The following OCA2 variants were observed in gnomAD, a reference collection of about 807,000 sequenced individuals.
OCA2 encodes the protein OCA2 melanosomal transmembrane protein.
OCA2 carries 77 observed loss-of-function variants against 100.2 expected under a neutral mutation model. The observed-to-expected ratio is 0.77, with a 90% confidence interval of 0.64 to 0.93. OCA2 has a LOEUF of 0.93. OCA2 is among the 40% of genes least tolerant of loss of function. The pLI is 0.00. For missense variants in OCA2, 1,062 were observed against 1,089.1 expected (o/e 0.98, Z 0.35); for synonymous variants, 432 against 439.2 (o/e 0.98, Z 0.21).
At chr15:28,003,783 A>T (rs1037797396) in intron 9 of OCA2, among the ~76,000 whole-genome samples, 1 of 152,126 alleles carries the variant, frequency 6.6e-6, no homozygotes, top group South Asian at 2.1e-4. Context: ...TCCCACCCCT[A>T]GCCCAGCCTG....
the OCA2 span, among the ~76,000 whole-genome samples, chr15:27,720,495 A>G: frequency 6.6e-6 from 1 of 150,724 alleles, no homozygotes; most frequent in African/African-American, 2.4e-5. Flanking sequence ...GTATAGATTC[A>G]TCTATGAAGA....
chr15:28,032,258 T>G, intron 2 of OCA2, 95 bp from the exon 3 acceptor site: 2 of 972,450 alleles, frequency 2.1e-6, no homozygotes, highest in Non-Finnish European at 3.3e-6. Context: ...GTGCCCAAGA[T>G]TCAGTGATAA....
At position 27,959,015 on chromosome 15, in the gene OCA2, T is replaced by C. The variant is rs534255805; in HGVS notation, c.1637-1280A>G. Among the ~76,000 whole-genome samples the C allele has an allele frequency of 5.3e-5, 8 of 152,264 alleles. No individual in the cohort carries two copies. In the East Asian group the frequency reaches 1.4e-3, roughly 26 times the overall value. ...CAGTACGTGAGTGCTCATCACCCAC[T>C]GCGTGGCAGACCTACTGCAACAACA... is the stretch of plus-strand genomic sequence containing the variant. On this transcript the variant is annotated intron_variant, in intron 15 of 23. Transcript: ENST00000354638.
Position 28,014,776 on chromosome 15 carries a change from C to T in OCA2, c.1044G>A (p.Glu348=). The T allele has an allele frequency of 6.2e-7, 1 of 1,612,656 alleles. No homozygotes were observed. The highest frequency in any genetic ancestry group is 8.5e-7 in the Non-Finnish European group (1 of 1,179,940). ...TCGGGGGAGCAGGTGTGAAAGTTACCTCAAATATGATCAGCGCGTAGACGC... is the reference window on the plus strand; with the variant it reads ...TCGGGGGAGCAGGTGTGAAAGTTACTTCAAATATGATCAGCGCGTAGACGC... ...LAGVYALIIF[E]IVHRTLAAML... Residue 348 remains glutamate, a splice_region_variant and synonymous_variant, in exon 9 of 24, where the codon GAG becomes GAA. Coordinates refer to ENST00000354638, the MANE Select transcript of OCA2 (RefSeq NM_000275.3).
In OCA2 at chr15:27,983,329, G is replaced by A; in HGVS notation, c.1503+16C>T. 6.2e-7 allele frequency: 1 copy of A among 1,613,996 alleles called. No homozygotes were observed. Among genetic ancestry groups the A allele is most frequent in the Non-Finnish European group, 8.5e-7 (1 of 1,179,962 alleles). On this transcript the variant is annotated intron_variant, in intron 14 of 23. Transcript: ENST00000354638. ...TGTGCGTTTACTGGAAGCAACCCTA[G>A]CATGCTGGTACGTACCATCTTCCTC...
At chr15:28,028,367 CTGATTTCAGCGT>C (rs1378514110) in intron 3 of OCA2, among the ~76,000 whole-genome samples, 1 of 150,734 alleles carries the variant, frequency 6.6e-6, no homozygotes, top group African/African-American at 2.5e-5. Flanking sequence ...CCAGTTCCCG[CTGATTTCAGCGT>C]TGGCTTTTTC....
At chr15:27,872,017 A>C in intron 19 of OCA2, 95 bp from the exon 20 acceptor site, 1 of 888,182 alleles carries the variant, frequency 1.1e-6, no homozygotes. Context: ...ACGTGAACAT[A>C]AGGTAGGCCC....
intron 9 of OCA2, among the ~76,000 whole-genome samples, chr15:28,010,264 C>G (rs902469718): frequency 2.0e-5 from 3 of 152,154 alleles, no homozygotes; most frequent in African/African-American, 7.2e-5. Context: ...AGAGCACCTA[C>G]AAAAACTAAT....
At chr15:27,773,010 T>C (rs1412319761) in intron 23 of OCA2, among the ~76,000 whole-genome samples, 1 of 152,150 alleles carries the variant, frequency 6.6e-6, no homozygotes, top group Non-Finnish European at 1.5e-5. Context: ...TGCAATATTT[T>C]TGGCAATTAG....
At chr15:27,871,470 T>G (rs779204376) in intron 20 of OCA2, among the ~76,000 whole-genome samples, 1 of 152,188 alleles carries the variant, frequency 6.6e-6, no homozygotes, top group Admixed American at 6.5e-5. Context: ...TGCCCAGACC[T>G]GCCAGCCCCC....
intron 19 of OCA2, among the ~76,000 whole-genome samples, chr15:27,889,814 G>GCAT (rs2037381675): frequency 6.6e-6 from 1 of 152,230 alleles, no homozygotes; most frequent in Admixed American, 6.5e-5. Flanking sequence ...AGGCTGGACA[G>GCAT]CATCAAGGTG....
At chr15:28,019,404 C>T (rs1370168582) in intron 6 of OCA2, among the ~76,000 whole-genome samples, 1 of 152,062 alleles carries the variant, frequency 6.6e-6, no homozygotes, top group African/African-American at 2.4e-5. Context: ...TGTTCATTTG[C>T]CCAGTGCCCT....
At chr15:28,017,518 G>A (rs1020116577) in intron 7 of OCA2, among the ~76,000 whole-genome samples, 1 of 152,204 alleles carries the variant, frequency 6.6e-6, no homozygotes, top group Non-Finnish European at 1.5e-5. Context: ...TTTCACACAG[G>A]GAACCAAGTT....
intron 14 of OCA2, among the ~76,000 whole-genome samples, chr15:27,977,571 A>T (rs1415882115): frequency 1.3e-5 from 2 of 152,228 alleles, no homozygotes; most frequent in Non-Finnish European, 2.9e-5. Context: ...GACTTCTGCT[A>T]TAGAGGAATC....
intron 21 of OCA2, among the ~76,000 whole-genome samples, chr15:27,868,772 G>A (rs944334676): frequency 6.6e-5 from 10 of 152,144 alleles, no homozygotes; most frequent in East Asian, 1.9e-4. Flanking sequence ...TGATGCATGC[G>A]TTCAGTACCT....
chr15:28,087,150 A>T, intron 1 of OCA2, among the ~76,000 whole-genome samples: 1 of 152,212 alleles, frequency 6.6e-6, no homozygotes, highest in East Asian at 1.9e-4. Flanking sequence ...GCAAAATTTT[A>T]AAAATTAAAA....
At chr15:27,961,749 GA>G (rs1329273677) in intron 15 of OCA2, among the ~76,000 whole-genome samples, 1 of 152,060 alleles carries the variant, frequency 6.6e-6, no homozygotes, top group Non-Finnish European at 1.5e-5. Flanking sequence ...GTTGAACAAT[GA>G]GAACACATGG....
At chr15:28,012,111 G>C (rs952018278) in intron 9 of OCA2, among the ~76,000 whole-genome samples, 2 of 152,008 alleles carry the variant, frequency 1.3e-5, no homozygotes, top group African/African-American at 4.8e-5. Context: ...AATTCAATTA[G>C]AAAATAAGCA....
At chr15:27,747,097 C>T in the OCA2 span, among the ~76,000 whole-genome samples, 33 of 152,110 alleles carry the variant, frequency 2.2e-4, no homozygotes, top group Admixed American at 9.8e-4. Flanking sequence ...AGATCACTGC[C>T]CAGGAAACAG....
Sources: allele counts gnomAD v4.1 joint callset (sites outside exome capture counted in the v4.1 genomes callset), GRCh38; gene constraint gnomAD v4.1.1; transcripts MANE v1.5; gene names NCBI Gene and HGNC (gene_info 2026-07-23, HGNC 2026-07-21).